DDC: variants seen among roughly 807,000 people sequenced by gnomAD.
DDC encodes the protein aromatic-L-amino-acid decarboxylase.
In DDC, 43 loss-of-function variants were observed where a neutral mutation model predicts 60.0. That is an observed-to-expected ratio of 0.72 (90% CI 0.56 to 0.92). DDC has a LOEUF of 0.92. Among genes scored for constraint, DDC ranks in the 40% least tolerant of loss-of-function variants. The probability of loss-of-function intolerance (pLI) is 0.00; values close to 1 mark genes in which losing one functional copy is unlikely to be tolerated. For synonymous variants in DDC, 232 were observed against 234.6 expected (o/e 0.99, Z 0.10); for missense variants, 573 against 620.2 (o/e 0.92, Z 0.81).
At chr7:50,483,511 T>C (rs1253193988) in intron 9 of DDC, among the ~76,000 whole-genome samples, 2 of 152,188 alleles carry the variant, frequency 1.3e-5, no homozygotes, top group East Asian at 3.8e-4. Flanking sequence ...CTTCAAGATA[T>C]AAGAGGCAGT....
chr7:50,519,351 A>G (rs146216143), intron 6 of DDC, among the ~76,000 whole-genome samples: 2,026 of 152,304 alleles, frequency 0.013, 45 homozygotes, highest in African/African-American at 0.044. Context: ...AAAAGAACTA[A>G]AAGTAGAACT....
chr7:50,550,736 T>G (rs191704848), intron 1 of DDC, among the ~76,000 whole-genome samples: 1 of 152,346 alleles, frequency 6.6e-6, no homozygotes, highest in East Asian at 1.9e-4. Flanking sequence ...CTTTTGAGTT[T>G]CTGATAAGTC....
intron 1 of DDC, among the ~76,000 whole-genome samples, chr7:50,545,027 C>T (rs186685272): frequency 6.6e-6 from 1 of 152,266 alleles, no homozygotes; most frequent in East Asian, 1.9e-4. Context: ...GATGGCTAGA[C>T]AGCACTTCTG....
chr7:50,496,067 C>G (rs1272112559), intron 8 of DDC, among the ~76,000 whole-genome samples: 1 of 151,792 alleles, frequency 6.6e-6, no homozygotes, highest in Non-Finnish European at 1.5e-5. Context: ...ATCAACAATT[C>G]TCCTCATTTA....
At chr7:50,553,995 A>T (rs2045098683) in intron 1 of DDC, among the ~76,000 whole-genome samples, 1 of 152,196 alleles carries the variant, frequency 6.6e-6, no homozygotes, top group Admixed American at 6.5e-5. Flanking sequence ...ACAACAGGCC[A>T]CTAAGAAGCT....
chr7:50,539,338 G>A (rs183426587), intron 3 of DDC, among the ~76,000 whole-genome samples: 8 of 151,386 alleles, frequency 5.3e-5, no homozygotes, highest in Non-Finnish European at 1.2e-4. Context: ...ACAGAGTCAC[G>A]GGCAGAGCCA....
At chr7:50,477,108 G>A (rs531649639) in intron 10 of DDC, among the ~76,000 whole-genome samples, 86 of 152,304 alleles carry the variant, frequency 5.6e-4, no homozygotes, top group African/African-American at 2.0e-3. Flanking sequence ...GCAGATCTTA[G>A]TTCAGTATCT....
chr7:50,468,397 T>C (rs2042448593), intron 12 of DDC, among the ~76,000 whole-genome samples: 1 of 152,258 alleles, frequency 6.6e-6, no homozygotes, highest in African/African-American at 2.4e-5. Context: ...GACGTCATCA[T>C]TGTGGGGAGA....
intron 13 of DDC, among the ~76,000 whole-genome samples, chr7:50,465,370 A>C (rs2042371140): frequency 6.6e-6 from 1 of 152,138 alleles, no homozygotes; most frequent in South Asian, 2.1e-4. Flanking sequence ...AAAAATACTC[A>C]AACGTAGCCT....
chr7:50,505,711 C>G lies in DDC; in HGVS notation c.715-1652G>C, dbSNP rs76832902. ...TGGACAAGGTACTTCTCAGACAGAG[C>G]GATGCCTGCTCAGGGACCAGAGTTT... On this transcript the variant is annotated intron_variant, in intron 6 of 14. Transcript: ENST00000444124. 9.8e-5 allele frequency among the ~76,000 whole-genome samples: 15 copies of G among 152,354 alleles called. No individual in the cohort carries two copies. In the South Asian group the frequency reaches 2.5e-3, roughly 25 times the overall value.
chr7:50,464,957 C>T (rs2042362610), intron 13 of DDC, among the ~76,000 whole-genome samples: 1 of 152,180 alleles, frequency 6.6e-6, no homozygotes, highest in Admixed American at 6.5e-5. Context: ...ACTGGATTTG[C>T]AGACTGGAGG....
intron 1 of DDC, among the ~76,000 whole-genome samples, chr7:50,545,771 C>T (rs992404247): frequency 1.3e-5 from 2 of 152,212 alleles, no homozygotes; most frequent in Non-Finnish European, 2.9e-5. Context: ...CCGCTCCCAG[C>T]CTCTAGAATA....
chr7:50,459,926 A>G (rs1269347508), intron 14 of DDC, among the ~76,000 whole-genome samples: 6 of 122,888 alleles, frequency 4.9e-5, no homozygotes, highest in Admixed American at 1.6e-4. Context: ...TCCAGGAGGG[A>G]GGTGGGGGGG....
At chr7:50,460,411 G>T (rs918971282) in intron 14 of DDC, among the ~76,000 whole-genome samples, 6 of 150,542 alleles carry the variant, frequency 4.0e-5, no homozygotes, top group Admixed American at 3.3e-4. Context: ...AGGAAGGTGG[G>T]GGGGTCAGCC....
intron 9 of DDC, among the ~76,000 whole-genome samples, chr7:50,489,142 G>A (rs1405051139): frequency 3.3e-5 from 5 of 152,152 alleles, no homozygotes; most frequent in African/African-American, 1.2e-4. Context: ...GGATAGCTGG[G>A]ATTACAGACA....
intron 6 of DDC, among the ~76,000 whole-genome samples, chr7:50,513,079 T>C (rs1003936010): frequency 6.6e-6 from 1 of 152,086 alleles, no homozygotes; most frequent in African/African-American, 2.4e-5. Flanking sequence ...AAACCAGCAA[T>C]CCCGAGAGGA....
chr7:50,532,839 T>C (rs2044263755), intron 4 of DDC, among the ~76,000 whole-genome samples: 1 of 152,202 alleles, frequency 6.6e-6, no homozygotes, highest in African/African-American at 2.4e-5. Context: ...GACCTAGAAA[T>C]GCTTCAATTT....
rs79460128 is a variant in DDC, at chr7:50,513,524, G to C, written c.715-9465C>G. Among the ~76,000 whole-genome samples the C allele has an allele frequency of 2.8e-3, 433 of 152,298 alleles. 1 individual carries two copies. Among genetic ancestry groups the C allele is most frequent in the African/African-American group, 9.4e-3 (390 of 41,560 alleles). ...AAATCCGGTGTGCAGGCTCCAGAGG[G>C]AGGGGAAAAACCAAGCCCTTTTCTT... On this transcript the variant is annotated intron_variant, in intron 6 of 14. Coordinates refer to ENST00000444124, the MANE Select transcript of DDC (RefSeq NM_001082971.2).
chr7:50,558,011 T>C (rs1194477104), intron 1 of DDC, among the ~76,000 whole-genome samples: 1 of 152,220 alleles, frequency 6.6e-6, no homozygotes, highest in African/African-American at 2.4e-5. Context: ...TACTAGGTAA[T>C]TTTAACTTTT....
Sources: allele counts gnomAD v4.1 joint callset (sites outside exome capture counted in the v4.1 genomes callset), GRCh38; gene constraint gnomAD v4.1.1; transcripts MANE v1.5; gene names NCBI Gene and HGNC (gene_info 2026-07-23, HGNC 2026-07-21).